The following IL34 variants were observed in gnomAD, a reference collection of about 807,000 sequenced individuals.
IL34 encodes interleukin-34.
Under a neutral mutation model 25.3 loss-of-function variants are expected in IL34, and 17 were observed. The ratio of observed to expected loss-of-function variants is 0.67; its 90% CI spans 0.46 to 1.01. The LOEUF is 1.01. Among genes scored for constraint, IL34 ranks in the 50% least tolerant of loss-of-function variants. IL34 has a pLI of 0.00. For missense variants in IL34, 368 were observed against 312.9 expected (o/e 1.18, Z -1.33); for synonymous variants, 174 against 140.9 (o/e 1.23, Z -1.66).
chr16:70,584,160 C>T (rs908268341), intron 1 of IL34, among the ~76,000 whole-genome samples: 33 of 152,170 alleles, frequency 2.2e-4, no homozygotes, highest in African/African-American at 7.7e-4. Flanking sequence ...AGAACTATGG[C>T]CTCCAGGTGT....
At chr16:70,629,795 TTAA>T (rs1434031255) in intron 1 of IL34, among the ~76,000 whole-genome samples, 12 of 152,200 alleles carry the variant, frequency 7.9e-5, no homozygotes, top group African/African-American at 2.4e-4. Flanking sequence ...AATTCAATGC[TTAA>T]TAATCACATG....
At chr16:70,612,870 C>T (rs1466265292) in intron 1 of IL34, among the ~76,000 whole-genome samples, 2 of 152,230 alleles carry the variant, frequency 1.3e-5, no homozygotes, top group East Asian at 1.9e-4. Context: ...ACTGCAACCT[C>T]TGCCTCCCCG....
chr16:70,639,105 T>C (rs942837658), intron 1 of IL34, among the ~76,000 whole-genome samples: 2 of 152,222 alleles, frequency 1.3e-5, no homozygotes, highest in Admixed American at 6.5e-5. Context: ...ACACTCCAGC[T>C]TGGGAGATGC....
intron 1 of IL34, among the ~76,000 whole-genome samples, chr16:70,613,842 C>A (rs1348415513): frequency 1.3e-5 from 2 of 150,450 alleles, no homozygotes; most frequent in East Asian, 3.9e-4. Context: ...CCACTGTACT[C>A]CAGCCTGGGT....
chr16:70,652,300 TAAAA>T (rs951413465), intron 1 of IL34, among the ~76,000 whole-genome samples: 2 of 147,914 alleles, frequency 1.4e-5, no homozygotes, highest in South Asian at 2.1e-4. Context: ...TACAAAAAAT[TAAAA>T]AAAAAATTAG....
At chr16:70,636,069 C>G (rs148321363) in intron 1 of IL34, among the ~76,000 whole-genome samples, 3 of 150,592 alleles carry the variant, frequency 2.0e-5, no homozygotes, top group Admixed American at 1.3e-4. Context: ...GAGACAGTCT[C>G]GCTCTGTTGC....
At chr16:70,602,044 G>T (rs937687580) in intron 1 of IL34, among the ~76,000 whole-genome samples, 1 of 152,212 alleles carries the variant, frequency 6.6e-6, no homozygotes, top group Non-Finnish European at 1.5e-5. Flanking sequence ...CAGCTGGAGT[G>T]GACTGCCCTG....
chr16:70,617,063 A>G (rs1000856580), intron 1 of IL34, among the ~76,000 whole-genome samples: 2 of 152,030 alleles, frequency 1.3e-5, no homozygotes, highest in African/African-American at 4.8e-5. Context: ...GGGAACCTAG[A>G]GTGGGAGAGA....
In IL34 at chr16:70,657,973, TATC is replaced by T. The variant is rs144241646; in HGVS notation, c.402+853_402+855del. Among the ~76,000 whole-genome samples, 396 of 152,248 alleles carry T rather than the reference TATC, an allele frequency of 2.6e-3. 15 individuals carry two copies. The East Asian group carries it at 0.067, about 26-fold the overall frequency. On this transcript the variant is annotated intron_variant, in intron 4 of 5. Coordinates refer to ENST00000288098, the MANE Select transcript of IL34 (RefSeq NM_001393494.1). ...AATTGATCTGAGGCCTCAGGGATAT[TATC>T]CTCTAAAATGCCTGAGTTGTAGTAA... is the stretch of plus-strand genomic sequence containing the variant.
At position 70,591,547 on chromosome 16, in the gene IL34, T is replaced by A. The variant is rs1348994877; in HGVS notation, c.-401+11498T>A. Among the ~76,000 whole-genome samples, 4 of 145,478 alleles carry A rather than the reference T, an allele frequency of 2.7e-5. No individual in the cohort carries two copies. The East Asian group carries it at 6.1e-4, about 22-fold the overall frequency. ...TCACACCATTGTACTCCAGCCTGAG[T>A]AGTGGAGTGAGATCCTGTCTCTTAA... On this transcript the variant is annotated intron_variant, in intron 1 of 6. Coordinates refer to the IL34 transcript ENST00000429149.
upstream of IL34, among the ~76,000 whole-genome samples, chr16:70,646,389 C>T (rs564994140): frequency 1.1e-4 from 16 of 152,290 alleles, no homozygotes; most frequent in Admixed American, 8.5e-4. Flanking sequence ...GGGCCAGGGC[C>T]GTTCGGACAT....
chr16:70,586,735 G>T (rs2151803890), intron 1 of IL34, among the ~76,000 whole-genome samples: 1 of 152,284 alleles, frequency 6.6e-6, no homozygotes, highest in Admixed American at 6.5e-5. Context: ...GCTGCTCACT[G>T]AACGCTCACA....
Position 70,654,535 on chromosome 16 carries a change from C to G in IL34, c.29-3C>G. On this transcript the variant is annotated splice_polypyrimidine_tract_variant and splice_region_variant and intron_variant, in intron 1 of 5. Transcript: ENST00000288098. Reference sequence around the variant, plus strand: ...ATGTGCTCTTGTCGGGTGTGGTCCACAGATCTTGGGATCTTCCTTGGCGTG... The same window carrying G: ...ATGTGCTCTTGTCGGGTGTGGTCCAGAGATCTTGGGATCTTCCTTGGCGTG... The G allele has an allele frequency of 6.2e-7, 1 of 1,606,442 alleles. No individual in the cohort carries two copies. Among genetic ancestry groups the G allele is most frequent in the Admixed American group, 1.7e-5 (1 of 59,610 alleles).
chr16:70,638,646 T>A (rs994667165), intron 1 of IL34, among the ~76,000 whole-genome samples: 1 of 152,130 alleles, frequency 6.6e-6, no homozygotes, highest in Non-Finnish European at 1.5e-5. Flanking sequence ...TCACCCGGGC[T>A]GGTCTTTCTG....
chr16:70,655,361 C>G (rs56298500), intron 2 of IL34, among the ~76,000 whole-genome samples: 3 of 141,866 alleles, frequency 2.1e-5, no homozygotes, highest in Non-Finnish European at 4.7e-5. Context: ...CTTTTTTTTT[C>G]TTTTTAATTT....
intron 4 of IL34, 125 bp downstream of exon 4, chr16:70,657,246 A>G (rs915749733): frequency 2.0e-6 from 2 of 1,005,530 alleles, no homozygotes; most frequent in African/African-American, 1.6e-5. Context: ...GCACAAGCAG[A>G]GGGACGTGGG....
At position 70,659,754 on chromosome 16, in the gene IL34, G is replaced by A; in HGVS notation, c.538+1G>A. 2 of 1,596,772 alleles carry A rather than the reference G, an allele frequency of 1.3e-6. No homozygotes were observed. The highest frequency in any genetic ancestry group is 1.7e-6 in the Non-Finnish European group (2 of 1,169,536). ...ATGGAGCTGCTGTACTGCTCCTGCTGTAAGGAGCTCTCAGGGGATGGCGCC... is the reference window on the plus strand; with the variant it reads ...ATGGAGCTGCTGTACTGCTCCTGCTATAAGGAGCTCTCAGGGGATGGCGCC... On this transcript the variant is annotated splice_donor_variant, in intron 5 of 5. Transcript: ENST00000288098. LOFTEE classifies it high-confidence loss of function.
chr16:70,586,460 G>T (rs547442099), intron 1 of IL34, among the ~76,000 whole-genome samples: 1 of 152,306 alleles, frequency 6.6e-6, no homozygotes, highest in East Asian at 1.9e-4. Flanking sequence ...GGAGGCTGAG[G>T]TGGGAGGATT....
intron 4 of IL34, among the ~76,000 whole-genome samples, chr16:70,658,299 C>T (rs1468642635): frequency 6.6e-6 from 1 of 152,174 alleles, no homozygotes; most frequent in East Asian, 1.9e-4. Context: ...ACTCCTTGAT[C>T]TGCTTGGTGG....
Sources: gnomAD v4.1 joint callset for allele counts (sites outside exome capture counted in the v4.1 genomes callset) on GRCh38, gnomAD v4.1.1 for gene constraint, MANE v1.5 for transcripts, NCBI Gene and HGNC (gene_info 2026-07-23, HGNC 2026-07-21) for gene names.